Variants in AFF2 observed in about 807,000 individuals in gnomAD.
AFF2 encodes ALF transcription elongation factor 2.
In AFF2, 14 loss-of-function variants were observed where a neutral mutation model predicts 76.9. The ratio of observed to expected loss-of-function variants is 0.18; its 90% CI spans 0.12 to 0.28. The LOEUF is 0.28. AFF2 is among the 10% of genes least tolerant of loss of function. The pLI, the probability that AFF2 is intolerant of heterozygous loss-of-function variation, is 1.00. For synonymous variants in AFF2, 398 were observed against 366.7 expected (o/e 1.09, Z -0.98); for missense variants, 868 against 1,001.1 (o/e 0.87, Z 1.79).
At chrX:148,683,205 A>G (rs1476518833) in intron 3 of AFF2, among the ~76,000 whole-genome samples, 3 of 111,731 alleles carry the variant, frequency 2.7e-5, no homozygotes, top group African/African-American at 9.8e-5. Flanking sequence ...TACTTTCTTT[A>G]AAAGGCTGTG....
chrX:148,953,802 C>A, intron 10 of AFF2, 63 bp downstream of exon 10: 1 of 843,039 alleles, frequency 1.2e-6, no homozygotes, highest in Non-Finnish European at 1.7e-6. Flanking sequence ...ACCCTCAACA[C>A]ACACACACAC....
intron 8 of AFF2, among the ~76,000 whole-genome samples, chrX:148,894,644 A>G (rs1335193937): frequency 9.0e-6 from 1 of 111,577 alleles, no homozygotes; most frequent in Non-Finnish European, 1.9e-5. Flanking sequence ...TTTATTGTTA[A>G]TGGAGGTCGA....
rs376789599 is a variant in AFF2 at position 148,761,472 on chromosome X, T to G, written c.1042-48404T>G. Reference sequence around the variant, plus strand: ...ACTGTCCTCCAGTTTTTTTTGTTTTTTTTTTTTTTTCATAAAAACTTGGCC... The same window carrying G: ...ACTGTCCTCCAGTTTTTTTTGTTTTGTTTTTTTTTTCATAAAAACTTGGCC... On this transcript the variant is annotated intron_variant, in intron 3 of 20. Transcript: ENST00000370460. Among the ~76,000 whole-genome samples, 238 of 108,769 alleles carry G rather than the reference T, an allele frequency of 2.2e-3. 2 individuals carry two copies. The highest frequency in any genetic ancestry group is 6.9e-3 in the African/African-American group (204 of 29,720). The allele number at this position is 108,769 out of a possible 115,157, so 94.5% of individuals were successfully genotyped here. A position where few individuals can be genotyped will look rare whatever the true frequency, so the allele number is the denominator to read the frequency against.
chrX:148,535,782 C>G (rs782505996), intron 1 of AFF2, among the ~76,000 whole-genome samples: 22 of 111,469 alleles, frequency 2.0e-4, no homozygotes, highest in South Asian at 1.9e-3. Flanking sequence ...TCTGCCCTGG[C>G]TTCATCGTAG....
intron 2 of AFF2, 73 bp downstream of exon 2, chrX:148,652,204 G>T: frequency 3.7e-6 from 3 of 807,026 alleles, no homozygotes; most frequent in South Asian, 5.2e-5. Flanking sequence ...TTTAATTTAT[G>T]TTTAAAGCAC....
intron 8 of AFF2, among the ~76,000 whole-genome samples, chrX:148,894,888 G>GATATATAT (rs201173844): frequency 1.6e-4 from 17 of 108,626 alleles, no homozygotes; most frequent in African/African-American, 6.0e-4. Context: ...TAAAATGTGA[G>GATATATAT]ATAGATAGAT....
intron 7 of AFF2, among the ~76,000 whole-genome samples, chrX:148,853,277 C>T (rs782466297): frequency 2.7e-4 from 30 of 111,007 alleles, no homozygotes; most frequent in South Asian, 7.6e-4. Context: ...TAGATTTGGT[C>T]TTCACTCAAT....
At chrX:148,939,096 C>T (rs782744663) in intron 9 of AFF2, among the ~76,000 whole-genome samples, 2 of 111,083 alleles carry the variant, frequency 1.8e-5, no homozygotes, top group Admixed American at 9.6e-5. Flanking sequence ...AGAGGAGGAG[C>T]AGGAGGAGGA....
At chrX:148,796,115 A>G (rs1248228236) in intron 3 of AFF2, among the ~76,000 whole-genome samples, 2 of 108,477 alleles carry the variant, frequency 1.8e-5, no homozygotes, top group African/African-American at 6.7e-5. Flanking sequence ...ATAACACATC[A>G]TAGTGTAGTA....
intron 1 of AFF2, among the ~76,000 whole-genome samples, chrX:148,638,453 C>A (rs782415091): frequency 9.0e-6 from 1 of 111,317 alleles, no homozygotes; most frequent in Non-Finnish European, 1.9e-5. Flanking sequence ...GGAAGCCACC[C>A]GCATGATCCA....
intron 5 of AFF2, among the ~76,000 whole-genome samples, chrX:148,841,303 A>G (rs979462076): frequency 7.1e-5 from 8 of 112,149 alleles, no homozygotes; most frequent in Non-Finnish European, 1.3e-4. Context: ...AGAGATATAC[A>G]TGGTTAACAA....
chrX:148,951,164 C>T (rs5936458), intron 9 of AFF2, among the ~76,000 whole-genome samples: 155 of 33,737 alleles, frequency 4.6e-3, no homozygotes, highest in Non-Finnish European at 7.0e-3. Context: ...AACACATACA[C>T]GCACACACAC....
intron 9 of AFF2, among the ~76,000 whole-genome samples, chrX:148,946,978 A>G (rs2071907782): frequency 8.9e-6 from 1 of 112,277 alleles, no homozygotes; most frequent in Non-Finnish European, 1.9e-5. Context: ...CAGGTTATGG[A>G]CATCTTTGGG....
intron 1 of AFF2, among the ~76,000 whole-genome samples, chrX:148,623,595 A>G (rs2053892064): frequency 1.0e-5 from 1 of 99,709 alleles, no homozygotes; most frequent in Non-Finnish European, 2.0e-5. Context: ...CCACTCAAAC[A>G]TTTGAATATA....
At chrX:148,573,143 T>C (rs2053248800) in intron 1 of AFF2, among the ~76,000 whole-genome samples, 1 of 111,924 alleles carries the variant, frequency 8.9e-6, no homozygotes, top group Admixed American at 9.5e-5. Context: ...TTAATCACTC[T>C]AGTTTTGTAA....
chrX:148,576,138 C>T (rs2053285120), intron 1 of AFF2, among the ~76,000 whole-genome samples: 1 of 111,655 alleles, frequency 9.0e-6, no homozygotes, highest in Admixed American at 9.6e-5. Flanking sequence ...GCACCTATTA[C>T]AATTATTGTT....
At chrX:148,920,212 G>C (rs1488087177) in intron 9 of AFF2, among the ~76,000 whole-genome samples, 5 of 111,417 alleles carry the variant, frequency 4.5e-5, no homozygotes, top group Middle Eastern at 4.6e-3. Context: ...GCTTTTTAGT[G>C]GTATAGATGA....
chrX:148,786,852 G>A (rs2069827721), intron 3 of AFF2, among the ~76,000 whole-genome samples: 2 of 111,710 alleles, frequency 1.8e-5, no homozygotes, highest in Admixed American at 9.5e-5. Flanking sequence ...ATTTGAAGAA[G>A]CAATGGGCCT....
chrX:148,538,129 A>C (rs994341415), intron 1 of AFF2, among the ~76,000 whole-genome samples: 2 of 112,829 alleles, frequency 1.8e-5, no homozygotes, highest in African/African-American at 6.4e-5. Flanking sequence ...TATTTGACTG[A>C]ATTCAAGAAA....
Sources: allele counts gnomAD v4.1 joint callset (sites outside exome capture counted in the v4.1 genomes callset), GRCh38; gene constraint gnomAD v4.1.1; transcripts MANE v1.5; gene names NCBI Gene and HGNC (gene_info 2026-07-23, HGNC 2026-07-21).